Variants in GPR89B observed in about 807,000 individuals in gnomAD.
The protein encoded by GPR89B is G protein-coupled receptor 89B.
GPR89B carries 25 observed loss-of-function variants against 52.4 expected under a neutral mutation model. That is an observed-to-expected ratio of 0.48 (90% confidence interval 0.35 to 0.67). The LOEUF is 0.67. Ranked by LOEUF, GPR89B falls within the 30% of genes least tolerant of loss-of-function variation. The pLI, the probability that GPR89B is intolerant of heterozygous loss-of-function variation, is 0.01. For missense variants in GPR89B, 146 were observed against 450.2 expected (o/e 0.32, Z 6.11); for synonymous variants, 52 against 151.2 (o/e 0.34, Z 4.81).
the GPR89B span, among the ~76,000 whole-genome samples, chr1:148,004,247 C>T: frequency 6.6e-6 from 1 of 151,274 alleles, no homozygotes. Context: ...AGCTCTGCCT[C>T]CCGGGTTCAC....
the GPR89B span, among the ~76,000 whole-genome samples, chr1:147,999,404 C>T: frequency 6.7e-6 from 1 of 148,578 alleles, no homozygotes; most frequent in Non-Finnish European, 1.5e-5. Flanking sequence ...GTCAGGAGAT[C>T]GAGACCATCC....
At chr1:148,020,802 C>T in the GPR89B span, among the ~76,000 whole-genome samples, 1,017 of 151,978 alleles carry the variant, frequency 6.7e-3, 13 homozygotes, top group South Asian at 0.016. Flanking sequence ...ATTCTCATGC[C>T]TCAGCCTCCC....
the GPR89B span, among the ~76,000 whole-genome samples, chr1:147,999,615 T>G: frequency 1.4e-5 from 2 of 145,798 alleles, 1 homozygote; most frequent in Non-Finnish European, 3.0e-5. Context: ...AAAAAAAAAG[T>G]GTGCTCCTTC....
At chr1:148,000,754 C>A in the GPR89B span, among the ~76,000 whole-genome samples, 1 of 147,068 alleles carries the variant, frequency 6.8e-6, no homozygotes. Context: ...AACTAGACAA[C>A]CTCAGTTCTT....
At chr1:147,979,535 T>C (rs1184728610) in intron 10 of GPR89B, among the ~76,000 whole-genome samples, 2 of 152,198 alleles carry the variant, frequency 1.3e-5, no homozygotes, top group African/African-American at 2.4e-5. Flanking sequence ...AGATGCCCTT[T>C]ATCAGGTTGA....
chr1:147,978,861 T>TTGCCTCCCG (rs1553254006), intron 10 of GPR89B, among the ~76,000 whole-genome samples: 1,866 of 151,110 alleles, frequency 0.012, 104 homozygotes, highest in African/African-American at 0.044. Flanking sequence ...CCTGCAGTGA[T>TTGCCTCCCG]GGTGGCTATC....
intron 7 of GPR89B, among the ~76,000 whole-genome samples, chr1:147,965,834 T>G (rs1656989741): frequency 6.6e-6 from 1 of 152,002 alleles, no homozygotes; most frequent in Non-Finnish European, 1.5e-5. Context: ...TTAGCTGTTT[T>G]TTTTTGTTTG....
chr1:147,999,657 A>G, the GPR89B span, among the ~76,000 whole-genome samples: 847 of 149,982 alleles, frequency 5.6e-3, 13 homozygotes, highest in East Asian at 0.037. Flanking sequence ...ATTCTTGAAG[A>G]TGCCCTCTTC....
At chr1:147,963,856 T>A in intron 7 of GPR89B, among the ~76,000 whole-genome samples, 1 of 152,164 alleles carries the variant, frequency 6.6e-6, no homozygotes, top group East Asian at 1.9e-4. Context: ...TCCAGAGAAA[T>A]GAAGATTTAT....
At chr1:148,006,659 G>A in the GPR89B span, among the ~76,000 whole-genome samples, 3 of 151,594 alleles carry the variant, frequency 2.0e-5, no homozygotes. Context: ...TCAGCATACA[G>A]TATTTTTTCT....
chr1:148,006,224 A>G, the GPR89B span, among the ~76,000 whole-genome samples: 1 of 146,910 alleles, frequency 6.8e-6, no homozygotes, highest in Non-Finnish European at 1.5e-5. Flanking sequence ...GCGCTAAAAC[A>G]TGCCCACACT....
intron 12 of GPR89B, among the ~76,000 whole-genome samples, chr1:147,991,370 T>G (rs1659055678): frequency 1.3e-5 from 2 of 152,234 alleles, no homozygotes; most frequent in South Asian, 4.1e-4. Context: ...GGGTTTTCTA[T>G]ATATACAGTC....
At chr1:147,945,422 T>C (rs1553249616) in intron 5 of GPR89B, among the ~76,000 whole-genome samples, 1 of 152,056 alleles carries the variant, frequency 6.6e-6, no homozygotes, top group East Asian at 1.9e-4. Flanking sequence ...CCACACACCC[T>C]TCCATGTATA....
chr1:148,020,039 C>T, the GPR89B span, among the ~76,000 whole-genome samples: 2 of 151,530 alleles, frequency 1.3e-5, no homozygotes, highest in East Asian at 1.9e-4. Context: ...TACTCGAGTT[C>T]CTGGGTCCTG....
chr1:148,012,215 G>T, the GPR89B span: 1 of 152,034 alleles, frequency 6.6e-6, no homozygotes, highest in Non-Finnish European at 1.5e-5. Flanking sequence ...TGAGTAAACT[G>T]GGAACTGTTA....
At chr1:147,930,722 A>T (rs189139811) in intron 1 of GPR89B, among the ~76,000 whole-genome samples, 1 of 147,748 alleles carries the variant, frequency 6.8e-6, no homozygotes, top group East Asian at 1.9e-4. Context: ...CACAGGATGA[A>T]GTTCAAACTC....
chr1:148,011,867 T>C, the GPR89B span: 2 of 152,180 alleles, frequency 1.3e-5, no homozygotes. Flanking sequence ...GGTTTTGCTT[T>C]ATACCTCTTG....
the GPR89B span, among the ~76,000 whole-genome samples, chr1:148,015,712 T>G: frequency 6.6e-6 from 1 of 150,392 alleles, no homozygotes; most frequent in East Asian, 2.0e-4. Flanking sequence ...TTCTGTGATT[T>G]TATGATTACA....
chr1:147,976,645 T>C (rs1657843418), intron 10 of GPR89B, among the ~76,000 whole-genome samples: 1 of 151,524 alleles, frequency 6.6e-6, no homozygotes, highest in Non-Finnish European at 1.5e-5. Context: ...CCCATTTACA[T>C]TTAAGGTTAA....
Sources: gnomAD v4.1 joint callset for allele counts (sites outside exome capture counted in the v4.1 genomes callset) on GRCh38, gnomAD v4.1.1 for gene constraint, MANE v1.5 for transcripts, NCBI Gene and HGNC (gene_info 2026-07-23, HGNC 2026-07-21) for gene names.